The following RNF166 variants were observed in gnomAD, a reference collection of about 807,000 sequenced individuals.
The protein encoded by RNF166 is E3 ubiquitin-protein ligase RNF166.
In RNF166, 19 loss-of-function variants were observed where a neutral mutation model predicts 29.4. That is an observed-to-expected ratio of 0.65 (90% CI 0.45 to 0.95). The LOEUF (loss-of-function observed/expected upper bound fraction) is 0.95, where lower values mean the gene tolerates loss of function less well. RNF166 is among the 40% of genes least tolerant of loss of function. The pLI, the probability that RNF166 is intolerant of heterozygous loss-of-function variation, is 0.00. For missense variants in RNF166, 347 were observed against 322.1 expected (o/e 1.08, Z -0.59); for synonymous variants, 171 against 134.5 (o/e 1.27, Z -1.88).
chr16:88,697,824 T>C (rs1909784267), intron 5 of RNF166, 191 bp from the exon 6 acceptor site: 1 of 567,002 alleles, frequency 1.8e-6, no homozygotes, highest in Non-Finnish European at 3.2e-6. Context: ...GGTGAAGGTG[T>C]GTCCATCACC....
chr16:88,700,934 G>A (rs1910151980), intron 2 of RNF166: 1 of 1,177,928 alleles, frequency 8.5e-7, no homozygotes, highest in East Asian at 6.0e-5. Context: ...CGGCTGGCAG[G>A]GGAAGGCTGC....
At chr16:88,698,206 G>A (rs1374706992) in intron 5 of RNF166, 3 of 615,094 alleles carry the variant, frequency 4.9e-6, no homozygotes, top group South Asian at 3.8e-5. Context: ...GCTTCCAGAA[G>A]GAAGCCTGGC....
rs1909664742 is a variant in RNF166, at chr16:88,696,639, C to T, written c.*929G>A. 2.2e-6 allele frequency: 1 copy of T among 449,872 alleles called. No individual in the cohort carries two copies. Among genetic ancestry groups the T allele is most frequent in the Admixed American group, 2.5e-5 (1 of 40,162 alleles). 27.9% of individuals were successfully genotyped at this position (449,872 alleles called of 1,614,324 possible). A position where few individuals can be genotyped will look rare whatever the true frequency, so the allele number is the denominator to read the frequency against. The stretch of plus-strand genomic sequence containing the variant: ...CCCAGGCCCCCAAGCTCTGCCACCA[C>T]TGGGGTGCCGTCCCCTCCCGCAGCG... On this transcript the variant is annotated 3_prime_UTR_variant, in exon 6 of 6. Coordinates refer to ENST00000312838, the MANE Select transcript of RNF166 (RefSeq NM_178841.4).
Position 88,702,623 on chromosome 16 carries a change from T to C in RNF166, c.156-1205A>G, listed in dbSNP as rs2340971. On this transcript the variant is annotated intron_variant, in intron 1 of 5. Transcript: ENST00000312838. ...CCTCCTGCTGTCCCCCAGGCCCTCTTTGCCACCACTGGATTCCCACAGAGC... is the reference window on the plus strand; with the variant it reads ...CCTCCTGCTGTCCCCCAGGCCCTCTCTGCCACCACTGGATTCCCACAGAGC... 1,138 of 890,540 alleles carry C rather than the reference T, an allele frequency of 1.3e-3. 11 individuals are homozygous for C. The African/African-American group carries it at 0.019, about 15-fold the overall frequency. The allele number at this position is 890,540 out of a possible 1,614,324, so 55.2% of individuals were successfully genotyped here.
At chr16:88,703,990 C>G in intron 1 of RNF166, 1 of 985,482 alleles carries the variant, frequency 1.0e-6, no homozygotes, top group Non-Finnish European at 1.2e-6. Flanking sequence ...ACAGAGGTGG[C>G]TCACTGCTCA....
intron 1 of RNF166, chr16:88,703,220 TG>T (rs1300784774): frequency 1.0e-6 from 1 of 977,048 alleles, no homozygotes; most frequent in Non-Finnish European, 1.2e-6. Flanking sequence ...GGTTTCTTTC[TG>T]GAGTGGGAAG....
chr16:88,700,915 C>G (rs1910149187), intron 2 of RNF166: 1 of 1,160,396 alleles, frequency 8.6e-7, no homozygotes, highest in Non-Finnish European at 1.1e-6. Context: ...CCAGCGCCGT[C>G]CCCGGTATCG....
In RNF166 at chr16:88,700,521, G is replaced by C. The variant is rs998618216; in HGVS notation, c.312+741C>G. 8 of 853,366 alleles carry C rather than the reference G, an allele frequency of 9.4e-6. No individual in the cohort carries two copies. The African/African-American group carries it at 1.5e-4, about 16-fold the overall frequency. The allele number at this position is 853,366 out of a possible 1,614,324, so 52.9% of individuals were successfully genotyped here. A position where few individuals can be genotyped will look rare whatever the true frequency, so the allele number is the denominator to read the frequency against. Reference sequence around the variant, plus strand: ...TGGACATCTGGACCTTCGACCTCGAGGACAAACCACCGAGGGGCCACGTAC... The same window carrying C: ...TGGACATCTGGACCTTCGACCTCGACGACAAACCACCGAGGGGCCACGTAC... On this transcript the variant is annotated intron_variant, in intron 2 of 5. Transcript: ENST00000312838.
chr16:88,698,562 C>T lies in RNF166; in HGVS notation c.588G>A (p.Lys196=), dbSNP rs1403454578. The part of the protein sequence containing the change: ...SAMPWGDPSY[K]SANFLQHLLH... ...GCAGGTGCTGCAGGAAGTTGGCGCTCTTGTAGCTGGGGTCCCCCCAGGGCA... is the reference window on the plus strand; with the variant it reads ...GCAGGTGCTGCAGGAAGTTGGCGCTTTTGTAGCTGGGGTCCCCCCAGGGCA... Residue 196 remains lysine (K), a synonymous_variant, in exon 5 of 6, where the codon AAG becomes AAA. Coordinates refer to ENST00000312838, the MANE Select transcript of RNF166 (RefSeq NM_178841.4). The T allele has an allele frequency of 1.9e-6, 3 of 1,570,398 alleles. No homozygotes were observed. Among genetic ancestry groups the T allele is most frequent in the South Asian group, 1.2e-5 (1 of 85,326 alleles).
At chr16:88,703,716 G>A (rs1910496915) in intron 1 of RNF166, 4 of 985,428 alleles carry the variant, frequency 4.1e-6, no homozygotes, top group South Asian at 4.7e-5. Flanking sequence ...GGCGATGGGT[G>A]TGGGGGCGTC....
In RNF166 at chr16:88,701,068, G is replaced by T. The variant is rs1007644537; in HGVS notation, c.312+194C>A. The T allele has an allele frequency of 1.8e-5, 24 of 1,301,802 alleles. No individual in the cohort carries two copies. In the Admixed American group the frequency reaches 3.6e-4, roughly 20 times the overall value. 80.6% of individuals were successfully genotyped at this position (1,301,802 alleles called of 1,614,324 possible). On this transcript the variant is annotated intron_variant, in intron 2 of 5. Coordinates refer to ENST00000312838, the MANE Select transcript of RNF166 (RefSeq NM_178841.4). ...CACCGGGCTGGCCCCCCCGTCAGCC[G>T]TCACCACAGGAAGTGAGAGATGAAG...
At chr16:88,698,255 C>T (rs1318775156) in intron 5 of RNF166, 1 of 681,362 alleles carries the variant, frequency 1.5e-6, no homozygotes, top group Non-Finnish European at 2.7e-6. Context: ...CAGGCAGGGA[C>T]CTGCCCTGTG....
rs189089695 is a variant in RNF166, at chr16:88,703,709, G to A, written c.156-2291C>T. ...TCAGCTGAAGGAAGTGGCTGAGGGC[G>A]ATGGGTGTGGGGGCGTCGACAGCCT... On this transcript the variant is annotated intron_variant, in intron 1 of 5. Coordinates refer to ENST00000312838, the MANE Select transcript of RNF166 (RefSeq NM_178841.4). 1.7e-4 allele frequency: 172 copies of A among 985,528 alleles called. No individual in the cohort carries two copies. The Middle Eastern group carries it at 2.1e-3, about 12-fold the overall frequency. The allele number at this position is 985,528 out of a possible 1,614,324, so 61.0% of individuals were successfully genotyped here.
rs1225047536 is a variant in RNF166 at position 88,699,637 on chromosome 16, T to A, written c.408A>T (p.Thr136=). ...GTGCCTACCTGGGGATAGGCTGTGA[T>A]GTGGGCACCACGGGGACGAACTTGG... The part of the protein sequence containing the change: ...NCPKFVPVVP[T]SQPIPSNIPN... Residue 136 remains threonine (T), a synonymous_variant, in exon 3 of 6, where the codon ACA becomes ACT. Coordinates refer to ENST00000312838, the MANE Select transcript of RNF166 (RefSeq NM_178841.4). 10 of 1,613,040 alleles carry A rather than the reference T, an allele frequency of 6.2e-6. No individual in the cohort carries two copies. The South Asian group carries it at 6.6e-5, about 11-fold the overall frequency.
At chr16:88,705,743 C>G (rs1015276621) in intron 1 of RNF166, among the ~76,000 whole-genome samples, 2 of 152,242 alleles carry the variant, frequency 1.3e-5, no homozygotes, top group Non-Finnish European at 2.9e-5. Flanking sequence ...GACAGCGGGT[C>G]CGAACAAGAG....
intron 4 of RNF166, 40 bp downstream of exon 4, chr16:88,698,931 T>TCC (rs764043009): frequency 6.9e-7 from 1 of 1,449,616 alleles, no homozygotes; most frequent in South Asian, 1.2e-5. Flanking sequence ...CCCACAGGCC[T>TCC]CCCCTGGCGC....
intron 1 of RNF166, chr16:88,703,026 G>T (rs965650494): frequency 1.0e-6 from 1 of 985,230 alleles, no homozygotes; most frequent in Non-Finnish European, 1.2e-6. Context: ...CATGGAAAGG[G>T]CGTTCGGCCG....
chr16:88,704,637 G>T, intron 1 of RNF166: 1 of 809,462 alleles, frequency 1.2e-6, no homozygotes, highest in Non-Finnish European at 1.5e-6. Context: ...GCCTCACAGC[G>T]CTCAGTAACA....
Position 88,704,471 on chromosome 16 carries a change from T to C in RNF166, c.155+1700A>G, listed in dbSNP as rs1017766849. On this transcript the variant is annotated intron_variant, in intron 1 of 5. Coordinates refer to ENST00000312838, the MANE Select transcript of RNF166 (RefSeq NM_178841.4). ...CCATGTGGTTCTGCATTCTGTGTTA[T>C]GGAAACTACATTTTAGGAAAAGACA... 8 of 985,362 alleles carry C rather than the reference T, an allele frequency of 8.1e-6. No individual in the cohort carries two copies. In the Admixed American group the frequency reaches 2.5e-4, roughly 30 times the overall value. The allele number at this position is 985,362 out of a possible 1,614,324, so 61.0% of individuals were successfully genotyped here. A position where few individuals can be genotyped will look rare whatever the true frequency, so the allele number is the denominator to read the frequency against.
Sources: allele counts gnomAD v4.1 joint callset (sites outside exome capture counted in the v4.1 genomes callset), GRCh38; gene constraint gnomAD v4.1.1; transcripts MANE v1.5; gene names NCBI Gene and HGNC (gene_info 2026-07-23, HGNC 2026-07-21).